ATRNL1: variants seen among roughly 807,000 people sequenced by gnomAD.
The protein encoded by ATRNL1 is attractin-like protein 1.
Under a neutral mutation model 182.7 loss-of-function variants are expected in ATRNL1, and 95 were observed. That is an observed-to-expected ratio of 0.52 (90% confidence interval 0.44 to 0.62). The LOEUF (loss-of-function observed/expected upper bound fraction) is 0.62. ATRNL1 is among the 20% of genes least tolerant of loss of function. ATRNL1 has a pLI of 0.00. For missense variants in ATRNL1, 1,471 were observed against 1,679.5 expected (o/e 0.88, Z 2.17); for synonymous variants, 576 against 568.3 (o/e 1.01, Z -0.19).
intron 19 of ATRNL1, among the ~76,000 whole-genome samples, chr10:115,369,665 G>T (rs1157704965): frequency 1.3e-5 from 2 of 151,974 alleles, no homozygotes; most frequent in African/African-American, 4.8e-5. Context: ...ATTCCATAAT[G>T]GCCTTATTAA....
At chr10:115,518,533 AT>A (rs1273340948) in intron 24 of ATRNL1, among the ~76,000 whole-genome samples, 4 of 151,854 alleles carry the variant, frequency 2.6e-5, no homozygotes, top group African/African-American at 9.7e-5. Flanking sequence ...ATTCAGTTAG[AT>A]TTTCTATAAC....
chr10:115,105,929 A>G (rs1194299456), intron 1 of ATRNL1, among the ~76,000 whole-genome samples: 3 of 152,204 alleles, frequency 2.0e-5, no homozygotes, highest in African/African-American at 7.2e-5. Flanking sequence ...GAGCCCCCAC[A>G]CAGAGTCCCT....
intron 27 of ATRNL1, among the ~76,000 whole-genome samples, chr10:115,846,875 C>G (rs868993135): frequency 6.6e-6 from 1 of 152,224 alleles, no homozygotes; most frequent in Middle Eastern, 3.4e-3. Context: ...CTATATGAAT[C>G]TGAGCAAGCT....
At position 115,434,758 on chromosome 10, in the gene ATRNL1, A is replaced by G. The variant is rs375697338; in HGVS notation, c.3322+8456A>G. 1.1e-3 allele frequency among the ~76,000 whole-genome samples: 175 copies of G among 152,280 alleles called. 2 individuals are homozygous for G. The highest frequency in any genetic ancestry group is 3.4e-3 in the Middle Eastern group (1 of 294). On this transcript the variant is annotated intron_variant, in intron 21 of 28. Coordinates refer to ENST00000355044, the MANE Select transcript of ATRNL1 (RefSeq NM_207303.4). ...TACCTTAAGGTTCAAGTTAAATAATACACTTTTAGAATATCCAGTTAGATT... is the reference window on the plus strand; with the variant it reads ...TACCTTAAGGTTCAAGTTAAATAATGCACTTTTAGAATATCCAGTTAGATT...
rs372250913 is a variant in ATRNL1, at chr10:115,663,517, A to C, written c.3796-63731A>C. Among the ~76,000 whole-genome samples the C allele has an allele frequency of 2.9e-4, 44 of 152,072 alleles. 1 individual carries two copies. The South Asian group carries it at 8.7e-3, about 30-fold the overall frequency. ...ATGTATAATATGCTATCTACCTTTCATTCTGCTTGGAAAAGGATGACATAT... is the reference window on the plus strand; with the variant it reads ...ATGTATAATATGCTATCTACCTTTCCTTCTGCTTGGAAAAGGATGACATAT... On this transcript the variant is annotated intron_variant, in intron 26 of 28. Transcript: ENST00000355044.
intron 6 of ATRNL1, among the ~76,000 whole-genome samples, chr10:115,165,163 C>A (rs536917526): frequency 1.2e-3 from 184 of 151,068 alleles, no homozygotes; most frequent in Admixed American, 4.6e-3. Context: ...AAAATAAATA[C>A]CTAAAACAAA....
intron 26 of ATRNL1, among the ~76,000 whole-genome samples, chr10:115,657,139 T>A (rs1274581042): frequency 1.3e-5 from 2 of 152,094 alleles, no homozygotes; most frequent in East Asian, 3.9e-4. Context: ...TACATGATTT[T>A]AAAAAAATAC....
intron 26 of ATRNL1, among the ~76,000 whole-genome samples, chr10:115,579,043 A>G (rs1407531809): frequency 1.8e-5 from 2 of 113,232 alleles, no homozygotes; most frequent in Non-Finnish European, 4.0e-5. Context: ...TTCTATTTTC[A>G]TACCATTGTT....
intron 24 of ATRNL1, among the ~76,000 whole-genome samples, chr10:115,498,488 G>T (rs1849660899): frequency 6.6e-6 from 1 of 151,892 alleles, no homozygotes; most frequent in Admixed American, 6.6e-5. Context: ...TTAATTAATG[G>T]AAACCTATGC....
At chr10:115,827,996 C>T (rs540393785) in intron 27 of ATRNL1, among the ~76,000 whole-genome samples, 1 of 152,152 alleles carries the variant, frequency 6.6e-6, no homozygotes, top group South Asian at 2.1e-4. Context: ...CCCCAACTCA[C>T]ATGGAATGGA....
chr10:115,317,221 G>T (rs1854341217), intron 18 of ATRNL1, among the ~76,000 whole-genome samples: 1 of 152,122 alleles, frequency 6.6e-6, no homozygotes, highest in Admixed American at 6.6e-5. Context: ...AGATCAGATG[G>T]TTGTAGATGT....
intron 18 of ATRNL1, among the ~76,000 whole-genome samples, chr10:115,332,756 C>G (rs1010353711): frequency 6.6e-6 from 1 of 151,362 alleles, no homozygotes; most frequent in African/African-American, 2.4e-5. Flanking sequence ...ATGCTAGCCT[C>G]TTGGGAATTC....
intron 26 of ATRNL1, among the ~76,000 whole-genome samples, chr10:115,700,839 C>A (rs1388914683): frequency 6.6e-6 from 1 of 152,038 alleles, no homozygotes; most frequent in African/African-American, 2.4e-5. Context: ...AATACACAGA[C>A]AGCTACACAA....
intron 24 of ATRNL1, among the ~76,000 whole-genome samples, chr10:115,469,677 A>G (rs990773851): frequency 6.6e-6 from 1 of 150,714 alleles, no homozygotes; most frequent in Non-Finnish European, 1.5e-5. Context: ...CCGTTTGAGT[A>G]GTCTTATTTT....
At chr10:115,662,576 G>A (rs10159881) in intron 26 of ATRNL1, among the ~76,000 whole-genome samples, 2 of 152,060 alleles carry the variant, frequency 1.3e-5, no homozygotes, top group South Asian at 4.1e-4. Flanking sequence ...TTATTGAATA[G>A]TTTTTAAAAG....
At chr10:115,135,494 C>T (rs1845463670) in intron 5 of ATRNL1, among the ~76,000 whole-genome samples, 1 of 152,140 alleles carries the variant, frequency 6.6e-6, no homozygotes, top group Admixed American at 6.5e-5. Context: ...TGAAGGACCT[C>T]TTCAAGGAGG....
chr10:115,693,467 A>C (rs188861481), intron 26 of ATRNL1, among the ~76,000 whole-genome samples: 18 of 152,272 alleles, frequency 1.2e-4, no homozygotes, highest in African/African-American at 3.8e-4. Flanking sequence ...CCTTTTGTCC[A>C]AACCAAATTA....
chr10:115,622,150 T>A (rs1555023184), intron 26 of ATRNL1, among the ~76,000 whole-genome samples: 1 of 152,226 alleles, frequency 6.6e-6, no homozygotes, highest in Admixed American at 6.5e-5. Context: ...CCGAAGACAC[T>A]GAGTTTATTC....
chr10:115,774,400 G>C (rs1555077263), intron 27 of ATRNL1, among the ~76,000 whole-genome samples: 1 of 124,898 alleles, frequency 8.0e-6, no homozygotes, highest in African/African-American at 3.1e-5. Flanking sequence ...ACTCCAGCCT[G>C]GGCGACAAGA....
Sources: gnomAD v4.1 joint callset for allele counts (sites outside exome capture counted in the v4.1 genomes callset) on GRCh38, gnomAD v4.1.1 for gene constraint, MANE v1.5 for transcripts, NCBI Gene and HGNC (gene_info 2026-07-23, HGNC 2026-07-21) for gene names.